Variants in GPS1 observed in about 807,000 individuals in gnomAD.
GPS1 encodes the protein G protein pathway suppressor 1.
In GPS1, 11 loss-of-function variants were observed where a neutral mutation model predicts 60.0. The observed-to-expected ratio is 0.18, with a 90% CI of 0.12 to 0.30. The LOEUF (loss-of-function observed/expected upper bound fraction) is 0.30, where lower values mean the gene tolerates loss of function less well. Among genes scored for constraint, GPS1 ranks in the 10% least tolerant of loss-of-function variants. The pLI, the probability that GPS1 is intolerant of heterozygous loss-of-function variation, is 1.00. For missense variants in GPS1, 543 were observed against 669.2 expected (o/e 0.81, Z 2.08); for synonymous variants, 343 against 269.8 (o/e 1.27, Z -2.66).
chr17:82,054,622 C>G lies in GPS1; in HGVS notation c.421C>G (p.Leu141Val), dbSNP rs766291739. The change falls in exon 4 of 13, where the codon CTG becomes GTG. Residue 141 changes from leucine (L) to valine (V), a missense_variant. Coordinates refer to ENST00000578552, the MANE Select transcript of GPS1 (RefSeq NM_001321092.3). Reference protein sequence around the residue: ...RKKALLKLEKLDTDLKNYKGN... With the variant: ...RKKALLKLEKVDTDLKNYKGN... Reference sequence around the variant, plus strand: ...GAAGGCGCTGCTGAAGCTGGAGAAGCTGGACACAGACCTGAAGAACTACAA... The same window carrying G: ...GAAGGCGCTGCTGAAGCTGGAGAAGGTGGACACAGACCTGAAGAACTACAA... The G allele has an allele frequency of 6.2e-7, 1 of 1,609,452 alleles. No homozygotes were observed. Among genetic ancestry groups the G allele is most frequent in the Non-Finnish European group, 8.5e-7 (1 of 1,179,400 alleles).
intron 2 of GPS1, 110 bp downstream of exon 2, chr17:82,053,476 G>A (rs1039397856): frequency 2.5e-6 from 2 of 798,324 alleles, no homozygotes; most frequent in Non-Finnish European, 1.8e-6. Context: ...CTCAGTGATC[G>A]CTGTCGTCTT....
At chr17:82,055,547 A>G (rs2032399218) in intron 6 of GPS1, 193 bp from the exon 7 acceptor site, 1 of 608,892 alleles carries the variant, frequency 1.6e-6, no homozygotes, top group Non-Finnish European at 2.9e-6. Flanking sequence ...GAGCCTCCTC[A>G]GCATTGGTGG....
upstream of GPS1, chr17:82,051,178 G>C (rs921503215): frequency 2.3e-6 from 3 of 1,305,576 alleles, no homozygotes; most frequent in Non-Finnish European, 2.9e-6. This position sits in a 1 kb window ranked among gnomAD's most constrained non-coding sequence, Gnocchi z 4.1. Flanking sequence ...GGCCTCCCCG[G>C]GCCTCGGGAG....
upstream of GPS1, chr17:82,051,652 G>A (rs1216387246): frequency 1.1e-5 from 11 of 1,038,632 alleles, no homozygotes; most frequent in South Asian, 4.6e-5. This position sits in a 1 kb window ranked among gnomAD's most constrained non-coding sequence, Gnocchi z 4.1. Context: ...GCCGGGGCGG[G>A]GGTCCGGGCC....
In GPS1 at chr17:82,056,780, G is replaced by A. The variant is rs1425710312; in HGVS notation, c.1254+14G>A. 1.2e-6 allele frequency: 2 copies of A among 1,600,960 alleles called. No homozygotes were observed. Among genetic ancestry groups the A allele is most frequent in the Non-Finnish European group, 1.7e-6 (2 of 1,173,152 alleles). ...TCACACAGCAAGGTGGCTGTGGGCT[G>A]CGGGGCGGTGGGGGCAGCTGGGGGT... is the stretch of plus-strand genomic sequence containing the variant. On this transcript the variant is annotated intron_variant, in intron 11 of 12. Coordinates refer to ENST00000578552, the MANE Select transcript of GPS1 (RefSeq NM_001321092.3).
rs2030704999 is a variant in GPS1, at chr17:82,051,909, C to A, written c.-23C>A. 8.6e-7 allele frequency: 1 copy of A among 1,160,838 alleles called. No individual in the cohort carries two copies. Among genetic ancestry groups the A allele is most frequent in the Non-Finnish European group, 1.1e-6 (1 of 941,288 alleles). The allele number at this position is 1,160,838 out of a possible 1,614,324, so 71.9% of individuals were successfully genotyped here. A position where few individuals can be genotyped will look rare whatever the true frequency, so the allele number is the denominator to read the frequency against. On this transcript the variant is annotated 5_prime_UTR_variant, in exon 1 of 13. Coordinates refer to ENST00000578552, the MANE Select transcript of GPS1 (RefSeq NM_001321092.3). This position sits in a 1 kb window ranked among gnomAD's most constrained non-coding sequence, Gnocchi z 4.1. ...TTCGCTGCCCCGGAAGTGGACGGCA[C>A]GCCGCGGCGGGGTGGGTGCAAGATG...
At chr17:82,052,420 C>T (rs1475091980) in intron 1 of GPS1, 5 of 1,611,584 alleles carry the variant, frequency 3.1e-6, no homozygotes, top group South Asian at 1.1e-5. Flanking sequence ...GGGACTTCAG[C>T]CTGAGCGCCA....
upstream of GPS1, chr17:82,051,351 G>C: frequency 2.7e-6 from 4 of 1,467,878 alleles, no homozygotes; most frequent in South Asian, 1.5e-5. The surrounding 1 kb of genome is among the most constrained non-coding windows in gnomAD (Gnocchi z 4.1). Context: ...GTCTGGGGGA[G>C]AAACAATCTA....
chr17:82,056,736 G>T lies in GPS1; in HGVS notation c.1224G>T (p.Leu408=), dbSNP rs768654098. ...TGACGCAGCTAATCCTGGAGGGGCT[G>T]ATCAGTGCCCGTGTGGACTCACACA... ...DELTQLILEG[L]ISARVDSHSK... is the part of the protein sequence containing the mutation. The change falls in exon 11 of 13, where the codon CTG becomes CTT. Residue 408 remains leucine, a synonymous_variant. Transcript: ENST00000578552. The T allele has an allele frequency of 5.0e-6, 8 of 1,587,170 alleles. No homozygotes were observed. The highest frequency in any genetic ancestry group is 3.5e-5 in the South Asian group (3 of 86,872).
chr17:82,053,211 G>C, intron 1 of GPS1, 63 bp from the exon 2 acceptor site: 1 of 1,328,400 alleles, frequency 7.5e-7, no homozygotes, highest in South Asian at 1.6e-5. Context: ...GAACAGTGCG[G>C]GTCTCTCGCC....
Position 82,053,365 on chromosome 17 carries a change from T to A in GPS1, c.125T>A (p.Leu42Gln), listed in dbSNP as rs760149763. ...AACTACGTGGTGGAGAACCCCAGCCTGGTACGGAGCCCAGTGGGGGGACCT... is the reference window on the plus strand; with the variant it reads ...AACTACGTGGTGGAGAACCCCAGCCAGGTACGGAGCCCAGTGGGGGGACCT... ...DVNYVVENPS[L>Q]DLEQYAASYS... The change falls in exon 2 of 13, where the codon CTG (leucine) becomes CAG (glutamine). Residue 42 changes from leucine to glutamine, a missense_variant and splice_region_variant. Coordinates refer to ENST00000578552, the MANE Select transcript of GPS1 (RefSeq NM_001321092.3). The A allele has an allele frequency of 2.0e-6, 3 of 1,491,632 alleles. No homozygotes were observed. The highest frequency in any genetic ancestry group is 2.7e-6 in the Non-Finnish European group (3 of 1,126,220). The allele number at this position is 1,491,632 out of a possible 1,614,324, so 92.4% of individuals were successfully genotyped here.
chr17:82,055,706 C>CG, intron 6 of GPS1, 34 bp from the exon 7 acceptor site: 6 of 1,318,024 alleles, frequency 4.6e-6, no homozygotes, highest in Non-Finnish European at 5.3e-6. Context: ...CTTACCCCCT[C>CG]TCCCCCCTCC....
chr17:82,056,390 A>C lies in GPS1; in HGVS notation c.1034A>C (p.Lys345Thr). Residue 345 changes from lysine to threonine, a missense_variant and splice_region_variant, in exon 9 of 13, where the codon AAG (lysine) becomes ACG (threonine). Around this residue, in one of 3 missense-constraint regions of GPS1, gnomAD observed 291 missense variants for 353.7 expected, o/e 0.82. Coordinates refer to ENST00000578552, the MANE Select transcript of GPS1 (RefSeq NM_001321092.3). ...ASCLKMLDEM[K>T]DNLLLDMYLA... Reference sequence around the variant, plus strand: ...TGTCTCAAGATGCTGGACGAGATGAAGGTGGGCCCCGCCTGGGGTAGGGGT... The same window carrying C: ...TGTCTCAAGATGCTGGACGAGATGACGGTGGGCCCCGCCTGGGGTAGGGGT... 6.2e-7 allele frequency: 1 copy of C among 1,610,900 alleles called. No homozygotes were observed. The highest frequency in any genetic ancestry group is 1.7e-4 in the Middle Eastern group (1 of 6,056).
At chr17:82,052,939 G>C (rs540577296) in intron 1 of GPS1, 2 of 259,012 alleles carry the variant, frequency 7.7e-6, no homozygotes, top group South Asian at 1.6e-4. Flanking sequence ...ATGGTGGCTG[G>C]GAACGTGTAG....
At chr17:82,053,144 A>G in intron 1 of GPS1, 130 bp from the exon 2 acceptor site, 1 of 615,986 alleles carries the variant, frequency 1.6e-6, no homozygotes, top group Non-Finnish European at 2.5e-6. Context: ...GGGGGACAGC[A>G]GCGGCGGGAG....
intron 1 of GPS1, chr17:82,052,258 G>A: frequency 6.2e-7 from 1 of 1,609,550 alleles, no homozygotes; most frequent in East Asian, 2.2e-5. Flanking sequence ...CCCTTCAGCA[G>A]CCAGCCAGCT....
Position 82,056,319 on chromosome 17 carries a change from G to A in GPS1, c.963G>A (p.Gln321=), listed in dbSNP as rs199559430. Residue 321 remains glutamine (Q), a synonymous_variant, in exon 9 of 13, where the codon CAG becomes CAA. Coordinates refer to ENST00000578552, the MANE Select transcript of GPS1 (RefSeq NM_001321092.3). ...SFKLFLELEP[Q]VRDIIFKFYE... is the part of the protein sequence containing the mutation. ...AGTTGTTCTTGGAGCTGGAGCCACA[G>A]GTCCGAGACATCATCTTCAAATTCT... The A allele has an allele frequency of 1.1e-4, 180 of 1,613,222 alleles. 3 individuals are homozygous for A. In the East Asian group the frequency reaches 2.7e-3, roughly 24 times the overall value.
chr17:82,055,605 C>T (rs2032427569), intron 6 of GPS1, 135 bp from the exon 7 acceptor site: 1 of 650,036 alleles, frequency 1.5e-6, no homozygotes, highest in Non-Finnish European at 2.7e-6. Flanking sequence ...CGCTGAGGAA[C>T]AGCTCCCGGG....
chr17:82,051,103 G>C, upstream of GPS1: 2 of 1,355,098 alleles, frequency 1.5e-6, no homozygotes, highest in Non-Finnish European at 9.4e-7. The surrounding 1 kb of genome is among the most constrained non-coding windows in gnomAD (Gnocchi z 4.1). Flanking sequence ...TGAGAGGCTG[G>C]TGGGGAGCAG....
Sources: gnomAD v4.1 joint callset for allele counts on GRCh38, gnomAD v4.1.1 for gene constraint, gnomAD v4.1.1 regional missense constraint, Gnocchi (gnomAD v3.1) non-coding constraint, MANE v1.5 for transcripts, NCBI Gene and HGNC (gene_info 2026-07-23, HGNC 2026-07-21) for gene names.